Variants in OTOP2 observed in about 807,000 individuals in gnomAD.
OTOP2 encodes the protein proton channel OTOP2.
In OTOP2, 41 loss-of-function variants were observed where a neutral mutation model predicts 47.4. That is an observed-to-expected ratio of 0.87 (90% CI 0.67 to 1.12). OTOP2 has a LOEUF of 1.12. OTOP2 is among the 50% of genes most tolerant of loss of function. OTOP2 has a pLI of 0.00. For missense variants in OTOP2, 721 were observed against 752.2 expected, an observed-to-expected ratio of 0.96 and a Z score of 0.49; for synonymous variants, 328 against 319.6, an observed-to-expected ratio of 1.03 and a Z score of -0.28.
chr17:74,927,780 G>T lies in OTOP2; in HGVS notation c.625G>T (p.Ala209Ser), dbSNP rs568573417. 9.9e-6 allele frequency: 16 copies of T among 1,614,044 alleles called. No individual in the cohort carries two copies. Among genetic ancestry groups the T allele is most frequent in the Non-Finnish European group, 1.3e-5 (15 of 1,179,974 alleles). The change falls in exon 5 of 7, where the codon GCC (alanine) becomes TCC (serine). Residue 209 changes from alanine (A) to serine (S), a missense_variant. Coordinates refer to ENST00000331427, the MANE Select transcript of OTOP2 (RefSeq NM_178160.3). ...CAGTTCTCACAGCAACGCCAGCCACGCCCGTCTCATCTCTGACCGTGAGTT... is the reference window on the plus strand; with the variant it reads ...CAGTTCTCACAGCAACGCCAGCCACTCCCGTCTCATCTCTGACCGTGAGTT... ...YSSSHSNASH[A>S]RLISDQHADN... is the part of the protein sequence containing the mutation.
In OTOP2 at chr17:74,930,356, T is replaced by C; in HGVS notation, c.721T>C (p.Phe241Leu). 1.4e-5 allele frequency: 22 copies of C among 1,614,172 alleles called. No individual in the cohort carries two copies. Among genetic ancestry groups the C allele is most frequent in the Non-Finnish European group, 1.9e-5 (22 of 1,180,040 alleles). The change falls in exon 6 of 7, where the codon TTC becomes CTC. Residue 241 changes from phenylalanine to leucine, a missense_variant. Physicochemically the swap from Phe to Leu is conservative, Grantham distance 22. Coordinates refer to ENST00000331427, the MANE Select transcript of OTOP2 (RefSeq NM_178160.3). The surrounding 1 kb of genome is among the most constrained non-coding windows in gnomAD (Gnocchi z 4.0). ...CTGCCAGATCTTCCAGCAGGGGTAC[T>C]TCTACCTATATCCCTTCAACATCGA... ...AVCQIFQQGY[F>L]YLYPFNIEYS...
In OTOP2 at chr17:74,930,141, C is replaced by A; in HGVS notation, c.644-138C>A. 1.1e-6 allele frequency: 1 copy of A among 950,184 alleles called. No individual in the cohort carries two copies. The highest frequency in any genetic ancestry group is 1.5e-6 in the Non-Finnish European group (1 of 654,716). The allele number at this position is 950,184 out of a possible 1,614,324, so 58.9% of individuals were successfully genotyped here. A position where few individuals can be genotyped will look rare whatever the true frequency, so the allele number is the denominator to read the frequency against. On this transcript the variant is annotated intron_variant, in intron 5 of 6. Transcript: ENST00000331427. The surrounding 1 kb of genome is among the most constrained non-coding windows in gnomAD (Gnocchi z 4.0). The stretch of plus-strand genomic sequence containing the variant: ...AAGCTTGCAGTGAGCCAAGATCACA[C>A]CATTGCACTCCAGCCTGAGCATCAA...
At chr17:74,931,185 G>C (rs201473640) in intron 6 of OTOP2, 32 bp downstream of exon 6, 8 of 1,552,004 alleles carry the variant, frequency 5.2e-6, no homozygotes, top group Non-Finnish European at 7.0e-6. Flanking sequence ...GGGTGGGCTT[G>C]GGAGAAGAGA....
intron 3 of OTOP2, 63 bp from the exon 4 acceptor site, chr17:74,927,160 G>T (rs1417482906): frequency 1.4e-6 from 2 of 1,412,706 alleles, no homozygotes; most frequent in African/African-American, 2.8e-5. Flanking sequence ...GCATGGACTT[G>T]GGTGCGCTGG....
rs1442569482 is a variant in OTOP2 at position 74,930,968 on chromosome 17, G to C, written c.1333G>C (p.Asp445His). The change falls in exon 6 of 7, where the codon GAC (aspartate) becomes CAC (histidine). Residue 445 changes from aspartate (D) to histidine (H), a missense_variant. Physicochemically the swap from Asp to His is moderately conservative, Grantham distance 81 (BLOSUM62 -1). Transcript: ENST00000331427. This position sits in a 1 kb window ranked among gnomAD's most constrained non-coding sequence, Gnocchi z 4.0. ...HSTHPKEPCQDLTFTNLDALH... is the reference protein window; with the variant it reads ...HSTHPKEPCQHLTFTNLDALH... ...TACCCACCCCAAGGAGCCCTGCCAA[G>C]ACCTCACCTTCACCAACCTGGATGC... 6.2e-7 allele frequency: 1 copy of C among 1,613,958 alleles called. No individual in the cohort carries two copies. The highest frequency in any genetic ancestry group is 8.5e-7 in the Non-Finnish European group (1 of 1,180,036).
In OTOP2 at chr17:74,924,951, AG is replaced by A; in HGVS notation, c.313+10del. 2 of 1,549,392 alleles carry A rather than the reference AG, an allele frequency of 1.3e-6. No individual in the cohort carries two copies. Among genetic ancestry groups the A allele is most frequent in the Admixed American group, 2.0e-5 (1 of 51,232 alleles). On this transcript the variant is annotated splice_region_variant and intron_variant, in intron 2 of 6. Transcript: ENST00000331427. This position sits in a 1 kb window ranked among gnomAD's most constrained non-coding sequence, Gnocchi z 7.7. Reference sequence around the variant, plus strand: ...TGGCCCCATCTGGCTCCGAGGTGCCAGGGGAGGTGGGGGCGAGGTAGGGTGG... The same window carrying A: ...TGGCCCCATCTGGCTCCGAGGTGCCAGGGAGGTGGGGGCGAGGTAGGGTGG...
chr17:74,925,734 A>G (rs1410669016), intron 3 of OTOP2, 42 bp downstream of exon 3: 2 of 1,611,060 alleles, frequency 1.2e-6, no homozygotes, highest in Non-Finnish European at 1.7e-6. Flanking sequence ...AGGAGCTAAC[A>G]CTTGGCCATT....
At chr17:74,925,828 T>C (rs2039002524) in intron 3 of OTOP2, 136 bp downstream of exon 3, 2 of 1,299,300 alleles carry the variant, frequency 1.5e-6, no homozygotes, top group Non-Finnish European at 2.1e-6. Flanking sequence ...GACAGGGCTG[T>C]AGAGAGCATC....
At position 74,930,591 on chromosome 17, in the gene OTOP2, GC is replaced by G. The variant is rs771210867; in HGVS notation, c.958del (p.Arg320AlafsTer25). ...GAGGTTCAAGTGAGCGGGGACGGGA[GC>G]CGCACCAGGCAGGCCCTGGTCATCT... is the stretch of plus-strand genomic sequence containing the variant. Reference protein sequence around the residue: ...IYEVQVSGDGSRTRQALVIYY... With the variant: ...IYEVQVSGDGXRTRQALVIYY... On this transcript the variant is annotated frameshift_variant, in exon 6 of 7. Transcript: ENST00000331427. LOFTEE classifies it high-confidence loss of function. The surrounding 1 kb of genome is among the most constrained non-coding windows in gnomAD (Gnocchi z 4.0). 1 of 1,614,000 alleles carries G rather than the reference GC, an allele frequency of 6.2e-7. No individual in the cohort carries two copies. Among genetic ancestry groups the G allele is most frequent in the Non-Finnish European group, 8.5e-7 (1 of 1,180,006 alleles).
rs201281669 is a variant in OTOP2, at chr17:74,929,416, T to TTTTG, written c.644-838_644-835dup. On this transcript the variant is annotated intron_variant, in intron 5 of 6. Transcript: ENST00000331427. ...TCCTGTGGTTCAAACTGTTTTGTTT[T>TTTTG]TTTGTTTGTTTGTTTGTTTGTTTGT... Among the ~76,000 whole-genome samples the TTTTG allele has an allele frequency of 1.1e-3, 164 of 152,020 alleles. 1 individual carries two copies. In the Middle Eastern group the frequency reaches 0.014, roughly 13 times the overall value.
In OTOP2 at chr17:74,933,052, C is replaced by T. The variant is rs1000280562; in HGVS notation, c.1519-323C>T. 3.9e-5 allele frequency among the ~76,000 whole-genome samples: 6 copies of T among 152,072 alleles called. No individual in the cohort carries two copies. The highest frequency in any genetic ancestry group is 7.4e-5 in the Non-Finnish European group (5 of 68,016). On this transcript the variant is annotated intron_variant, in intron 6 of 6. Coordinates refer to ENST00000331427, the MANE Select transcript of OTOP2 (RefSeq NM_178160.3). This position sits in a 1 kb window ranked among gnomAD's most constrained non-coding sequence, Gnocchi z 4.7. ...GAGCTGCTGATTTCACTGTTTGTACCTCTTCTTCTAGAGAAACCTCTTCTC... is the reference window on the plus strand; with the variant it reads ...GAGCTGCTGATTTCACTGTTTGTACTTCTTCTTCTAGAGAAACCTCTTCTC...
chr17:74,930,053 G>C lies in OTOP2; in HGVS notation c.644-226G>C, dbSNP rs948492565. 2.6e-5 allele frequency among the ~76,000 whole-genome samples: 4 copies of C among 152,170 alleles called. No homozygotes were observed. The highest frequency in any genetic ancestry group is 9.7e-5 in the African/African-American group (4 of 41,446). ...TAAAAATTAGCCAGGTGTGATGACA[G>C]GTGCCTGTAATCCCAGCTACTTGGG... On this transcript the variant is annotated intron_variant, in intron 5 of 6. Coordinates refer to ENST00000331427, the MANE Select transcript of OTOP2 (RefSeq NM_178160.3). The surrounding 1 kb of genome is among the most constrained non-coding windows in gnomAD (Gnocchi z 4.0).
Position 74,930,557 on chromosome 17 carries a change from A to C in OTOP2, c.922A>C (p.Ile308Leu). Residue 308 changes from isoleucine to leucine, a missense_variant, in exon 6 of 7, where the codon ATC becomes CTC. Coordinates refer to ENST00000331427, the MANE Select transcript of OTOP2 (RefSeq NM_178160.3). The surrounding 1 kb of genome is among the most constrained non-coding windows in gnomAD (Gnocchi z 4.0). The stretch of plus-strand genomic sequence containing the variant: ...CTTCGTGGTGGGGCTGGCTGTCTTC[A>C]TCATCTACGAGGTTCAAGTGAGCGG... ...LLFVVGLAVFIIYEVQVSGDG... is the reference protein window; with the variant it reads ...LLFVVGLAVFLIYEVQVSGDG... The C allele has an allele frequency of 2.5e-6, 4 of 1,613,310 alleles. No homozygotes were observed. Among genetic ancestry groups the C allele is most frequent in the Non-Finnish European group, 3.4e-6 (4 of 1,179,452 alleles).
chr17:74,927,797 C>T lies in OTOP2; in HGVS notation c.642C>T (p.Asp214=). ...CCAGCCACGCCCGTCTCATCTCTGA[C>T]CGTGAGTTTCCTCTTAATGCTGGCC... ...SNASHARLIS[D]QHADNPVGGD... is the part of the protein sequence containing the mutation. The change falls in exon 5 of 7, where the codon GAC becomes GAT. Residue 214 remains aspartate, a splice_region_variant and synonymous_variant. Coordinates refer to ENST00000331427, the MANE Select transcript of OTOP2 (RefSeq NM_178160.3). 1.9e-6 allele frequency: 3 copies of T among 1,613,700 alleles called. No individual in the cohort carries two copies. Among genetic ancestry groups the T allele is most frequent in the Non-Finnish European group, 2.5e-6 (3 of 1,179,808 alleles).
rs1381145030 is a variant in OTOP2 at position 74,924,674 on chromosome 17, G to A, written c.42G>A (p.Pro14=). 2.5e-6 allele frequency: 4 copies of A among 1,594,986 alleles called. No homozygotes were observed. The East Asian group carries it at 9.0e-5, about 36-fold the overall frequency. The part of the protein sequence containing the change: ...ELAQGPKESP[P]APRAGPREVW... Reference sequence around the variant, plus strand: ...CCCAGGGCCCCAAGGAGAGCCCCCCGGCGCCGCGTGCGGGCCCCAGGGAGG... The same window carrying A: ...CCCAGGGCCCCAAGGAGAGCCCCCCAGCGCCGCGTGCGGGCCCCAGGGAGG... The change falls in exon 2 of 7, where the codon CCG becomes CCA. Residue 14 remains proline, a synonymous_variant. Transcript: ENST00000331427. This position sits in a 1 kb window ranked among gnomAD's most constrained non-coding sequence, Gnocchi z 7.7.
intron 3 of OTOP2, among the ~76,000 whole-genome samples, chr17:74,926,759 T>TTTTCC (rs1453759041): frequency 5.9e-5 from 9 of 151,690 alleles, no homozygotes; most frequent in Admixed American, 5.9e-4. Flanking sequence ...TTTTCTTTTC[T>TTTTCC]TTTCCTTTTT....
At chr17:74,926,811 G>A (rs553470689) in intron 3 of OTOP2, among the ~76,000 whole-genome samples, 1 of 150,598 alleles carries the variant, frequency 6.6e-6, no homozygotes, top group South Asian at 2.1e-4. Context: ...CCAGGCTGGA[G>A]TGCAGTGGCA....
chr17:74,930,979 C>T lies in OTOP2; in HGVS notation c.1344C>T (p.Phe448=). ...AGGAGCCCTGCCAAGACCTCACCTT[C>T]ACCAACCTGGATGCCCTCCACACGT... The part of the protein sequence containing the change: ...HPKEPCQDLT[F]TNLDALHTLS... Residue 448 remains phenylalanine (F), a synonymous_variant, in exon 6 of 7, where the codon TTC becomes TTT. Transcript: ENST00000331427. The surrounding 1 kb of genome is among the most constrained non-coding windows in gnomAD (Gnocchi z 4.0). 6.2e-7 allele frequency: 1 copy of T among 1,614,172 alleles called. No individual in the cohort carries two copies. The highest frequency in any genetic ancestry group is 8.5e-7 in the Non-Finnish European group (1 of 1,180,024).
rs960321358 is a variant in OTOP2, at chr17:74,927,142, A to G, written c.451-81A>G. 20 of 1,297,400 alleles carry G rather than the reference A, an allele frequency of 1.5e-5. No individual in the cohort carries two copies. The African/African-American group carries it at 2.6e-4, about 17-fold the overall frequency. 80.4% of individuals were successfully genotyped at this position (1,297,400 alleles called of 1,614,324 possible). ...TGTAAGGGTTCCTCAGGCGGAGAGA[A>G]CAAGATGGCATGGACTTGGGTGCGC... On this transcript the variant is annotated intron_variant, in intron 3 of 6. Coordinates refer to ENST00000331427, the MANE Select transcript of OTOP2 (RefSeq NM_178160.3).
Sources: allele counts gnomAD v4.1 joint callset (sites outside exome capture counted in the v4.1 genomes callset), GRCh38; gene constraint gnomAD v4.1.1; non-coding constraint Gnocchi (gnomAD v3.1); transcripts MANE v1.5; gene names NCBI Gene and HGNC (gene_info 2026-07-23, HGNC 2026-07-21).